The following FHIT variants were observed in gnomAD, a reference collection of about 807,000 sequenced individuals.
FHIT encodes bis(5'-adenosyl)-triphosphatase.
FHIT carries 19 observed loss-of-function variants against 17.9 expected under a neutral mutation model. The ratio of observed to expected loss-of-function variants is 1.06; its 90% CI spans 0.74 to 1.56. The LOEUF (loss-of-function observed/expected upper bound fraction) is 1.56, where lower values mean the gene tolerates loss of function less well. FHIT is among the 40% of genes most tolerant of loss of function. The pLI is 0.00. For missense variants in FHIT, 248 were observed against 189.2 expected (o/e 1.31, Z -1.82); for synonymous variants, 81 against 69.7 (o/e 1.16, Z -0.81).
intron 7 of FHIT, among the ~76,000 whole-genome samples, chr3:59,999,411 GATTC>G (rs1699642373): frequency 6.6e-6 from 1 of 152,128 alleles, no homozygotes; most frequent in Non-Finnish European, 1.5e-5. Flanking sequence ...TAGGGCCATT[GATTC>G]ACAGACTTTC....
At chr3:61,221,159 T>G (rs2039826110) in intron 1 of FHIT, among the ~76,000 whole-genome samples, 1 of 152,160 alleles carries the variant, frequency 6.6e-6, no homozygotes, top group African/African-American at 2.4e-5. Context: ...AGCAGTAAAT[T>G]GTGCCACCCC....
At chr3:60,091,572 T>C (rs369305198) in intron 5 of FHIT, among the ~76,000 whole-genome samples, 1 of 152,148 alleles carries the variant, frequency 6.6e-6, no homozygotes, top group African/African-American at 2.4e-5. Context: ...TTTGAATCTG[T>C]GTCCCTGCCC....
At chr3:61,194,440 T>C (rs1434890961) in intron 2 of FHIT, among the ~76,000 whole-genome samples, 1 of 152,132 alleles carries the variant, frequency 6.6e-6, no homozygotes, top group Admixed American at 6.5e-5. Flanking sequence ...ACTAGTTATT[T>C]AATATTTTCC....
chr3:60,653,974 T>C (rs1160639027), intron 4 of FHIT, among the ~76,000 whole-genome samples: 2 of 152,220 alleles, frequency 1.3e-5, no homozygotes, highest in Non-Finnish European at 2.9e-5. Context: ...AGATCCCTCA[T>C]AAATGGCTTG....
intron 4 of FHIT, among the ~76,000 whole-genome samples, chr3:60,708,245 C>T (rs1462893681): frequency 6.6e-6 from 1 of 152,188 alleles, no homozygotes; most frequent in African/African-American, 2.4e-5. Flanking sequence ...AAAACAGACT[C>T]TGCTTATTTA....
chr3:59,835,124 C>T (rs1190467076), intron 8 of FHIT, among the ~76,000 whole-genome samples: 1 of 152,152 alleles, frequency 6.6e-6, no homozygotes, highest in African/African-American at 2.4e-5. Context: ...AATCTCCTCT[C>T]AACACATCGA....
At position 60,034,126 on chromosome 3, in the gene FHIT, G is replaced by T. The variant is rs35174234; in HGVS notation, c.104-19974C>A. ...TCAATCTTCACAACAATTTCATAAG[G>T]TAGGTACTCTAACTGTCCCTGCTGG... On this transcript the variant is annotated intron_variant, in intron 5 of 9. Coordinates refer to ENST00000492590, the MANE Select transcript of FHIT (RefSeq NM_002012.4). Among the ~76,000 whole-genome samples, 1,197 of 152,310 alleles carry T rather than the reference G, an allele frequency of 7.9e-3. 10 individuals carry two copies. Among genetic ancestry groups the T allele is most frequent in the African/African-American group, 0.025 (1,019 of 41,556 alleles).
chr3:60,069,111 A>G (rs1382458077), intron 5 of FHIT, among the ~76,000 whole-genome samples: 1 of 147,462 alleles, frequency 6.8e-6, no homozygotes, highest in Non-Finnish European at 1.5e-5. Context: ...TCCTGTTTAT[A>G]ATCAAATCTA....
chr3:60,598,928 A>G (rs1181128384), intron 4 of FHIT, among the ~76,000 whole-genome samples: 1 of 152,212 alleles, frequency 6.6e-6, no homozygotes, highest in Admixed American at 6.5e-5. Context: ...TAGCAATGCC[A>G]AATCACTGAC....
At chr3:59,977,909 T>A (rs1371562155) in intron 7 of FHIT, among the ~76,000 whole-genome samples, 1 of 152,184 alleles carries the variant, frequency 6.6e-6, no homozygotes, top group Non-Finnish European at 1.5e-5. Flanking sequence ...GGTCCATTTC[T>A]CATGCTTTGT....
chr3:61,229,373 C>T (rs780165697), intron 1 of FHIT, among the ~76,000 whole-genome samples: 1 of 152,188 alleles, frequency 6.6e-6, no homozygotes, highest in Non-Finnish European at 1.5e-5. Context: ...GTTTTCTCCC[C>T]TAGAGCCTGT....
chr3:60,255,068 T>C (rs920075951), intron 5 of FHIT, among the ~76,000 whole-genome samples: 1 of 152,216 alleles, frequency 6.6e-6, no homozygotes, highest in Non-Finnish European at 1.5e-5. Flanking sequence ...TTTACCAAAA[T>C]GGCTTTAAAA....
intron 5 of FHIT, among the ~76,000 whole-genome samples, chr3:60,483,518 T>C (rs925733810): frequency 6.6e-6 from 1 of 152,152 alleles, no homozygotes; most frequent in African/African-American, 2.4e-5. Flanking sequence ...TCAATGGTGG[T>C]TCAACATACG....
At chr3:61,042,008 T>C (rs750376401) in intron 3 of FHIT, 39 bp downstream of exon 3, 9 of 152,380 alleles carry the variant, frequency 5.9e-5, no homozygotes, top group Admixed American at 2.6e-4. Flanking sequence ...CAGTGGCATA[T>C]GTGCCAATTC....
chr3:59,749,148 C>T lies in FHIT; in HGVS notation c.*437G>A, dbSNP rs1700743862. Among the ~76,000 whole-genome samples the T allele has an allele frequency of 6.6e-6, 1 of 151,938 alleles. No individual in the cohort carries two copies. Reference sequence around the variant, plus strand: ...TAACACATTTCAGGGGTTTCATGAACCACTTAATGTATAAAAATTCAATAT... The same window carrying T: ...TAACACATTTCAGGGGTTTCATGAATCACTTAATGTATAAAAATTCAATAT... On this transcript the variant is annotated 3_prime_UTR_variant, in exon 10 of 10. Coordinates refer to ENST00000492590, the MANE Select transcript of FHIT (RefSeq NM_002012.4).
At chr3:59,861,438 G>C (rs1702400340) in intron 8 of FHIT, among the ~76,000 whole-genome samples, 1 of 152,218 alleles carries the variant, frequency 6.6e-6, no homozygotes, top group Admixed American at 6.5e-5. Flanking sequence ...ACACCTGAAA[G>C]ATGGAAGGGC....
chr3:60,456,312 C>T (rs931452462), intron 5 of FHIT, among the ~76,000 whole-genome samples: 4 of 152,202 alleles, frequency 2.6e-5, no homozygotes, highest in African/African-American at 7.2e-5. Flanking sequence ...TTCACTGATG[C>T]TAAAGAACAT....
chr3:60,747,992 A>T (rs1553715827), intron 4 of FHIT, among the ~76,000 whole-genome samples: 1 of 152,204 alleles, frequency 6.6e-6, no homozygotes, highest in Non-Finnish European at 1.5e-5. Flanking sequence ...AATCAACTTG[A>T]TATAATCTAT....
At chr3:60,904,670 G>A (rs997009958) in intron 3 of FHIT, among the ~76,000 whole-genome samples, 1 of 152,106 alleles carries the variant, frequency 6.6e-6, no homozygotes, top group Non-Finnish European at 1.5e-5. Flanking sequence ...GCCAGGCGCA[G>A]TGGCTCACGC....
Sources: gnomAD v4.1 joint callset for allele counts (sites outside exome capture counted in the v4.1 genomes callset) on GRCh38, gnomAD v4.1.1 for gene constraint, MANE v1.5 for transcripts, NCBI Gene and HGNC (gene_info 2026-07-23, HGNC 2026-07-21) for gene names.